Variants in RUNX3 observed in about 807,000 individuals in gnomAD.
The protein encoded by RUNX3 is RUNX family transcription factor 3, also known as runt-related transcription factor 3.
A neutral mutation model predicts 27.7 loss-of-function variants in RUNX3; 10 were observed. The observed-to-expected ratio is 0.36, with a 90% confidence interval of 0.22 to 0.61. RUNX3 has a LOEUF of 0.61. Among genes scored for constraint, RUNX3 ranks in the 20% least tolerant of loss-of-function variants. The pLI is 0.72. For synonymous variants in RUNX3, 270 were observed against 269.2 expected (o/e 1.00, Z -0.03); for missense variants, 469 against 629.5 (o/e 0.75, Z 2.73).
intron 1 of RUNX3, chr1:24,929,362 G>A: frequency 4.3e-6 from 3 of 699,226 alleles, no homozygotes; most frequent in Non-Finnish European, 7.8e-6. Flanking sequence ...CAAAACCCAG[G>A]TGGAGCGGGG....
At chr1:24,937,446 G>A (rs1267088663) in intron 2 of RUNX3, among the ~76,000 whole-genome samples, 3 of 152,236 alleles carry the variant, frequency 2.0e-5, no homozygotes. Context: ...CAATCCCGGG[G>A]AGTAGGGTTT....
intron 2 of RUNX3, among the ~76,000 whole-genome samples, chr1:24,935,970 G>A (rs1183214836): frequency 1.3e-5 from 2 of 152,178 alleles, no homozygotes; most frequent in Admixed American, 6.5e-5. Flanking sequence ...TCAGGGAGGG[G>A]CTGTCTGCAC....
chr1:24,955,150 T>C (rs1043916862), intron 2 of RUNX3, among the ~76,000 whole-genome samples: 1 of 152,110 alleles, frequency 6.6e-6, no homozygotes, highest in African/African-American at 2.4e-5. Context: ...TCTAGACCCA[T>C]CTCAGATTCC....
At chr1:24,920,623 A>G (rs971727125) in intron 2 of RUNX3, among the ~76,000 whole-genome samples, 1 of 152,152 alleles carries the variant, frequency 6.6e-6, no homozygotes, top group African/African-American at 2.4e-5. Flanking sequence ...AAAAATTGCT[A>G]TATATTAAGC....
At chr1:24,952,666 C>T (rs570773890) in intron 2 of RUNX3, among the ~76,000 whole-genome samples, 4 of 152,336 alleles carry the variant, frequency 2.6e-5, no homozygotes, top group African/African-American at 9.6e-5. Flanking sequence ...TGTGCACCAT[C>T]GCTAGGCCAT....
chr1:24,914,424 TAAC>T (rs1244147632), intron 3 of RUNX3, among the ~76,000 whole-genome samples: 4 of 152,178 alleles, frequency 2.6e-5, no homozygotes, highest in East Asian at 3.9e-4. Flanking sequence ...ACCCGACTCT[TAAC>T]AGCCTCGCGG....
chr1:24,914,506 G>C (rs540982926), intron 3 of RUNX3, among the ~76,000 whole-genome samples: 1 of 152,222 alleles, frequency 6.6e-6, no homozygotes, highest in Non-Finnish European at 1.5e-5. Context: ...GATGAAAGCC[G>C]GGTCGGTGGC....
Position 24,916,452 on chromosome 1 carries a change from C to A in RUNX3, c.544+2788G>T, listed in dbSNP as rs922812152. Among the ~76,000 whole-genome samples, 1 of 152,208 alleles carries A rather than the reference C, an allele frequency of 6.6e-6. No homozygotes were observed. Among genetic ancestry groups the A allele is most frequent in the African/African-American group, 2.4e-5 (1 of 41,442 alleles). On this transcript the variant is annotated intron_variant, in intron 3 of 4. Coordinates refer to ENST00000308873, the MANE Select transcript of RUNX3 (RefSeq NM_004350.3). This position sits in a 1 kb window ranked among gnomAD's most constrained non-coding sequence, Gnocchi z 4.8. ...TCACCTTGGGCAAAAGGTTTTGCGCCCTGGCCTCTATCCTCTCCTGGGGTT... is the reference window on the plus strand; with the variant it reads ...TCACCTTGGGCAAAAGGTTTTGCGCACTGGCCTCTATCCTCTCCTGGGGTT...
At position 24,899,852 on chromosome 1, in the gene RUNX3, C is replaced by A. The variant is rs375926374; in HGVS notation, c.*2270G>T. The stretch of plus-strand genomic sequence containing the variant: ...GTGTGTTTGCCTAGTACAACTTTAA[C>A]GCAGCCTTGTAAATAAGGACCTACT... On this transcript the variant is annotated 3_prime_UTR_variant, in exon 5 of 5. Coordinates refer to ENST00000308873, the MANE Select transcript of RUNX3 (RefSeq NM_004350.3). The A allele has an allele frequency of 6.6e-6, 1 of 152,396 alleles. No homozygotes were observed. The highest frequency in any genetic ancestry group is 2.4e-5 in the African/African-American group (1 of 41,446). The allele number at this position is 152,396 out of a possible 1,614,324, so 9.4% of individuals were successfully genotyped here.
chr1:24,952,264 T>C (rs745798511), intron 2 of RUNX3, among the ~76,000 whole-genome samples: 4 of 152,068 alleles, frequency 2.6e-5, no homozygotes, highest in Non-Finnish European at 5.9e-5. Context: ...ATCCAATAGC[T>C]CTCTCTAGAG....
chr1:24,953,093 G>A (rs1373256197), intron 2 of RUNX3, among the ~76,000 whole-genome samples: 3 of 152,056 alleles, frequency 2.0e-5, no homozygotes, highest in Admixed American at 6.5e-5. Context: ...AAGGCAGGGC[G>A]CGGTGGCTCA....
At chr1:24,906,552 G>A (rs1224992171) in intron 4 of RUNX3, among the ~76,000 whole-genome samples, 1 of 152,200 alleles carries the variant, frequency 6.6e-6, no homozygotes, top group Admixed American at 6.5e-5. Flanking sequence ...TTAGTGAGCG[G>A]CTACTATGCG....
chr1:24,928,798 G>A (rs1294355294), intron 1 of RUNX3: 3 of 338,482 alleles, frequency 8.9e-6, no homozygotes, highest in African/African-American at 6.6e-5. Flanking sequence ...ATGGGAGCAG[G>A]GACGGCCTCA....
At chr1:24,963,330 C>T (rs1044133344) in intron 2 of RUNX3, among the ~76,000 whole-genome samples, 2 of 152,182 alleles carry the variant, frequency 1.3e-5, no homozygotes, top group African/African-American at 2.4e-5. Context: ...GGTCAGCCAG[C>T]GGCAGGGCAG....
At position 24,904,864 on chromosome 1, in the gene RUNX3, C is replaced by G. The variant is rs11249200; in HGVS notation, c.704-2198G>C. Among the ~76,000 whole-genome samples the G allele has an allele frequency of 0.11, 17,350 of 152,184 alleles. 1,926 individuals are homozygous for G. The highest frequency in any genetic ancestry group is 0.29 in the African/African-American group (11,951 of 41,484). ...AGCTTCCTTGGAGCTCCTGTACCCC[C>G]ACCCTGCGGCCTCGCAGCCCCAGGA... On this transcript the variant is annotated intron_variant, in intron 4 of 4. Coordinates refer to ENST00000308873, the MANE Select transcript of RUNX3 (RefSeq NM_004350.3). The surrounding 1 kb of genome is among the most constrained non-coding windows in gnomAD (Gnocchi z 5.7).
intron 3 of RUNX3, among the ~76,000 whole-genome samples, chr1:24,908,248 T>TGAACCTCTATGACACGCGGTGATCC (rs1640721589): frequency 8.0e-6 from 1 of 125,472 alleles, no homozygotes; most frequent in Non-Finnish European, 1.7e-5. Flanking sequence ...CGCGGTGATC[T>TGAACCTCTATGACACGCGGTGATCC]GAACCTCTAC....
At chr1:24,963,431 A>G (rs1642172292) in intron 2 of RUNX3, among the ~76,000 whole-genome samples, 2 of 152,088 alleles carry the variant, frequency 1.3e-5, no homozygotes, top group Non-Finnish European at 1.5e-5. Context: ...CCAGCCCCCA[A>G]CCCTGAAGTT....
chr1:24,929,044 C>G (rs12093025), intron 1 of RUNX3: 6 of 457,100 alleles, frequency 1.3e-5, no homozygotes, highest in African/African-American at 4.0e-5. Context: ...ACTCGCCATT[C>G]GGGACGCATA....
chr1:24,929,234 C>T, intron 1 of RUNX3: 1 of 539,232 alleles, frequency 1.9e-6, no homozygotes, highest in Non-Finnish European at 3.6e-6. Flanking sequence ...GTGTCCTTGC[C>T]CCTGTCCCGG....
Sources: gnomAD v4.1 joint callset for allele counts (sites outside exome capture counted in the v4.1 genomes callset) on GRCh38, gnomAD v4.1.1 for gene constraint, Gnocchi (gnomAD v3.1) non-coding constraint, MANE v1.5 for transcripts, NCBI Gene and HGNC (gene_info 2026-07-23, HGNC 2026-07-21) for gene names.